Variants in OXNAD1 observed in about 807,000 individuals in gnomAD.
OXNAD1 encodes oxidoreductase NAD-binding domain-containing protein 1.
OXNAD1 carries 34 observed loss-of-function variants against 32.9 expected under a neutral mutation model. The observed-to-expected ratio is 1.03, with a 90% CI of 0.79 to 1.38. The LOEUF (loss-of-function observed/expected upper bound fraction) is 1.38, where lower values mean the gene tolerates loss of function less well. OXNAD1 is among the 40% of genes most tolerant of loss of function. OXNAD1 has a pLI of 0.00. For missense variants in OXNAD1, 407 were observed against 379.4 expected, an observed-to-expected ratio of 1.07 and a Z score of -0.60; for synonymous variants, 134 against 135.2, an observed-to-expected ratio of 0.99 and a Z score of 0.06.
rs1483881296 is a variant in OXNAD1, at chr3:16,327,299, C to T, written c.*31-9813C>T. On this transcript the variant is annotated intron_variant, in intron 9 of 9. Transcript: ENST00000435829. This position sits in a 1 kb window ranked among gnomAD's most constrained non-coding sequence, Gnocchi z 4.2. Reference sequence around the variant, plus strand: ...ACTTACATTTGACAAATGATCAAGTCGTTTATGTCCAGCCACAGCAACACA... The same window carrying T: ...ACTTACATTTGACAAATGATCAAGTTGTTTATGTCCAGCCACAGCAACACA... Among the ~76,000 whole-genome samples, 1 of 152,118 alleles carries T rather than the reference C, an allele frequency of 6.6e-6. No individual in the cohort carries two copies. Among genetic ancestry groups the T allele is most frequent in the African/African-American group, 2.4e-5 (1 of 41,412 alleles).
In OXNAD1 at chr3:16,316,341, T is replaced by C. The variant is rs536087715; in HGVS notation, c.*30+12749T>C. ...TCAAAGCAGAAGAGTCGAAGGGGTT[T>C]AGGTGGAGGAGGGCAGCTGACAGGG... is the stretch of plus-strand genomic sequence containing the variant. On this transcript the variant is annotated intron_variant, in intron 9 of 9. Coordinates refer to the OXNAD1 transcript ENST00000435829. This position sits in a 1 kb window ranked among gnomAD's most constrained non-coding sequence, Gnocchi z 4.5. 5.5e-6 allele frequency: 1 copy of C among 182,136 alleles called. No individual in the cohort carries two copies. Among genetic ancestry groups the C allele is most frequent in the Non-Finnish European group, 1.1e-5 (1 of 89,008 alleles). 11.3% of individuals were successfully genotyped at this position (182,136 alleles called of 1,614,324 possible).
At chr3:16,293,748 A>G (rs2066578928) in intron 5 of OXNAD1, among the ~76,000 whole-genome samples, 1 of 152,174 alleles carries the variant, frequency 6.6e-6, no homozygotes. Context: ...CTTAGGGGGG[A>G]AACTTTCAGC....
exon 10 of OXNAD1, chr3:16,349,528 T>A (rs147710584): frequency 6.6e-6 from 1 of 152,384 alleles, no homozygotes; most frequent in East Asian, 1.9e-4. Context: ...GTATGTGAAC[T>A]ACGTATGTGC....
At chr3:16,272,318 C>A in intron 4 of OXNAD1, 1 of 265,274 alleles carries the variant, frequency 3.8e-6, no homozygotes, top group Non-Finnish European at 7.6e-6. Flanking sequence ...CACCCTTTAC[C>A]TCAGTGAGTA....
rs1189910350 is a variant in OXNAD1, at chr3:16,327,517, TG to T, written c.*31-9592del. Among the ~76,000 whole-genome samples, 1 of 151,968 alleles carries T rather than the reference TG, an allele frequency of 6.6e-6. No homozygotes were observed. ...GCTCACGTCTGTAATCCCAGCACTT[TG>T]GGAGGCTGAGGCAGGTGGATCACAT... On this transcript the variant is annotated intron_variant, in intron 9 of 9. Transcript: ENST00000435829. The surrounding 1 kb of genome is among the most constrained non-coding windows in gnomAD (Gnocchi z 4.2).
chr3:16,291,133 AAAG>A (rs2066403845), intron 5 of OXNAD1, among the ~76,000 whole-genome samples: 1 of 152,216 alleles, frequency 6.6e-6, no homozygotes, highest in Admixed American at 6.5e-5. Context: ...GGTTAGAAGA[AAAG>A]AAGGAAACGT....
chr3:16,341,018 AAAG>A (rs1283117572), downstream of OXNAD1, among the ~76,000 whole-genome samples: 2 of 152,256 alleles, frequency 1.3e-5, no homozygotes, highest in African/African-American at 4.8e-5. This position sits in a 1 kb window ranked among gnomAD's most constrained non-coding sequence, Gnocchi z 4.7. Context: ...ATACCTCACC[AAAG>A]AAGATATGCA....
chr3:16,283,556 G>A (rs1385548160), intron 4 of OXNAD1, among the ~76,000 whole-genome samples: 1 of 152,182 alleles, frequency 6.6e-6, no homozygotes, highest in African/African-American at 2.4e-5. Flanking sequence ...GTATATACCT[G>A]GGATAAATGC....
chr3:16,277,624 G>C lies in OXNAD1; in HGVS notation c.183+5902G>C, dbSNP rs1171660348. 6.6e-6 allele frequency among the ~76,000 whole-genome samples: 1 copy of C among 152,204 alleles called. No homozygotes were observed. Among genetic ancestry groups the C allele is most frequent in the Non-Finnish European group, 1.5e-5 (1 of 68,034 alleles). Reference sequence around the variant, plus strand: ...TAGGACATGTCTCTCAGTGACGAAAGGAAGCTCCAGCTCAGAATTCCTAGC... The same window carrying C: ...TAGGACATGTCTCTCAGTGACGAAACGAAGCTCCAGCTCAGAATTCCTAGC... On this transcript the variant is annotated intron_variant, in intron 4 of 8. Transcript: ENST00000285083. This position sits in a 1 kb window ranked among gnomAD's most constrained non-coding sequence, Gnocchi z 4.3.
chr3:16,340,816 G>A (rs1483518925), downstream of OXNAD1, among the ~76,000 whole-genome samples: 1 of 152,044 alleles, frequency 6.6e-6, no homozygotes, highest in Non-Finnish European at 1.5e-5. Flanking sequence ...TTGTTTCCGT[G>A]GGATAAAAAT....
rs537454650 is a variant in OXNAD1, at chr3:16,290,861, T to A, written c.291-3995T>A. Among the ~76,000 whole-genome samples the A allele has an allele frequency of 6.6e-6, 1 of 150,602 alleles. No individual in the cohort carries two copies. The highest frequency in any genetic ancestry group is 2.5e-5 in the African/African-American group (1 of 39,944). On this transcript the variant is annotated intron_variant, in intron 5 of 8. Transcript: ENST00000285083. The surrounding 1 kb of genome is among the most constrained non-coding windows in gnomAD (Gnocchi z 4.2). ...GATCAGATTAGAGAACATCTTTTGC[T>A]TTTCTTTTAGGCCTGTATGTAGGTA...
chr3:16,278,424 A>G (rs1261581095), intron 4 of OXNAD1, among the ~76,000 whole-genome samples: 1 of 152,146 alleles, frequency 6.6e-6, no homozygotes, highest in Non-Finnish European at 1.5e-5. Flanking sequence ...ACATGTAGGG[A>G]TTTTAATTTC....
Position 16,305,161 on chromosome 3 carries a change from A to C in OXNAD1, c.*1599A>C, listed in dbSNP as rs923871470. ...GAGATGCAAGGATGTGGGATTATCA[A>C]GGGGCACGTCTACTAACTGGTGAAG... is the stretch of plus-strand genomic sequence containing the variant. On this transcript the variant is annotated 3_prime_UTR_variant, in exon 9 of 9. Coordinates refer to ENST00000285083, the MANE Select transcript of OXNAD1 (RefSeq NM_138381.5). The surrounding 1 kb of genome is among the most constrained non-coding windows in gnomAD (Gnocchi z 4.5). 1 of 152,404 alleles carries C rather than the reference A, an allele frequency of 6.6e-6. No homozygotes were observed. Among genetic ancestry groups the C allele is most frequent in the Non-Finnish European group, 1.5e-5 (1 of 68,202 alleles). 9.4% of individuals were successfully genotyped at this position (152,404 alleles called of 1,614,324 possible). A position where few individuals can be genotyped will look rare whatever the true frequency, so the allele number is the denominator to read the frequency against.
chr3:16,316,656 C>T lies in OXNAD1; in HGVS notation c.*30+13064C>T. On this transcript the variant is annotated intron_variant, in intron 9 of 9. Transcript: ENST00000435829. The surrounding 1 kb of genome is among the most constrained non-coding windows in gnomAD (Gnocchi z 4.5). ...TTTCCAGTGGATGTGCAAAAACCAACACTGTCAGGAACCTGGCCCTGGGAG... is the reference window on the plus strand; with the variant it reads ...TTTCCAGTGGATGTGCAAAAACCAATACTGTCAGGAACCTGGCCCTGGGAG... The T allele has an allele frequency of 2.7e-6, 2 of 729,778 alleles. No individual in the cohort carries two copies. The highest frequency in any genetic ancestry group is 1.8e-5 in the African/African-American group (1 of 56,836). 45.2% of individuals were successfully genotyped at this position (729,778 alleles called of 1,614,324 possible). A position where few individuals can be genotyped will look rare whatever the true frequency, so the allele number is the denominator to read the frequency against.
At position 16,302,553 on chromosome 3, in the gene OXNAD1, G is replaced by T. The variant is rs1396678739; in HGVS notation, c.676-87G>T. On this transcript the variant is annotated intron_variant, in intron 7 of 8. Transcript: ENST00000285083. The surrounding 1 kb of genome is among the most constrained non-coding windows in gnomAD (Gnocchi z 4.2). ...CGAGAGCGGCAGACGTGTGCAGAAT[G>T]GGAGTTGAGGTTCAGCGTCAATGGT... is the stretch of plus-strand genomic sequence containing the variant. 3.6e-6 allele frequency: 3 copies of T among 839,762 alleles called. No individual in the cohort carries two copies. The highest frequency in any genetic ancestry group is 1.7e-5 in the African/African-American group (1 of 58,882). 52.0% of individuals were successfully genotyped at this position (839,762 alleles called of 1,614,324 possible). A position where few individuals can be genotyped will look rare whatever the true frequency, so the allele number is the denominator to read the frequency against.
downstream of OXNAD1, among the ~76,000 whole-genome samples, chr3:16,308,596 C>T (rs2067736723): frequency 6.6e-6 from 1 of 152,080 alleles, no homozygotes; most frequent in South Asian, 2.1e-4. This position sits in a 1 kb window ranked among gnomAD's most constrained non-coding sequence, Gnocchi z 4.4. Context: ...TCATCTTAAA[C>T]AGTGAGATGT....
intron 4 of OXNAD1, among the ~76,000 whole-genome samples, chr3:16,281,498 T>G (rs1475351724): frequency 6.6e-6 from 1 of 152,174 alleles, no homozygotes; most frequent in Non-Finnish European, 1.5e-5. Flanking sequence ...ATAAGTATAA[T>G]GCAAATATTC....
chr3:16,290,362 G>T lies in OXNAD1; in HGVS notation c.290+3914G>T, dbSNP rs1575110933. On this transcript the variant is annotated intron_variant, in intron 5 of 8. Coordinates refer to ENST00000285083, the MANE Select transcript of OXNAD1 (RefSeq NM_138381.5). The surrounding 1 kb of genome is among the most constrained non-coding windows in gnomAD (Gnocchi z 4.2). ...AAATCCATTCAGATGAAGTTTTTAT[G>T]TAACTTAAATTCTTCTGTATTTTTT... Among the ~76,000 whole-genome samples the T allele has an allele frequency of 6.6e-6, 1 of 152,158 alleles. No homozygotes were observed. Among genetic ancestry groups the T allele is most frequent in the African/African-American group, 2.4e-5 (1 of 41,432 alleles).
In OXNAD1 at chr3:16,345,817, T is replaced by TGC. The variant is rs1553726165; in HGVS notation, c.*31-3349_*31-3348dup. ...GTGTGTGTGTGTGTGTGTGTGTGTG[T>TGC]GCGCGCGCGCGTGCGCGCACGCGCA... On this transcript the variant is annotated intron_variant, in intron 9 of 9. Transcript: ENST00000606098. This position sits in a 1 kb window ranked among gnomAD's most constrained non-coding sequence, Gnocchi z 5.2. 9.6e-3 allele frequency among the ~76,000 whole-genome samples: 713 copies of TGC among 74,600 alleles called. 8 individuals are homozygous for TGC. Among genetic ancestry groups the TGC allele is most frequent in the African/African-American group, 0.022 (394 of 18,172 alleles). 48.9% of individuals were successfully genotyped at this position (74,600 alleles called of 152,430 possible). A position where few individuals can be genotyped will look rare whatever the true frequency, so the allele number is the denominator to read the frequency against.
Sources: gnomAD v4.1 joint callset for allele counts (sites outside exome capture counted in the v4.1 genomes callset) on GRCh38, gnomAD v4.1.1 for gene constraint, Gnocchi (gnomAD v3.1) non-coding constraint, MANE v1.5 for transcripts, NCBI Gene and HGNC (gene_info 2026-07-23, HGNC 2026-07-21) for gene names.